The following CSGALNACT2 variants were observed in gnomAD, a reference collection of about 807,000 sequenced individuals.
CSGALNACT2 encodes chondroitin sulfate N-acetylgalactosaminyltransferase 2, also known as beta 4 GalNAcT-2.
In CSGALNACT2, 35 loss-of-function variants were observed where a neutral mutation model predicts 55.3. The ratio of observed to expected loss-of-function variants is 0.63; its 90% CI spans 0.48 to 0.84. The LOEUF (loss-of-function observed/expected upper bound fraction) is 0.84, where lower values mean the gene tolerates loss of function less well. CSGALNACT2 is among the 40% of genes least tolerant of loss of function. The pLI is 0.00. For missense variants in CSGALNACT2, 544 were observed against 657.5 expected (o/e 0.83, Z 1.89); for synonymous variants, 196 against 224.9 (o/e 0.87, Z 1.15).
intron 1 of CSGALNACT2, among the ~76,000 whole-genome samples, chr10:43,145,073 G>T (rs990477219): frequency 1.3e-5 from 2 of 151,982 alleles, no homozygotes; most frequent in Admixed American, 1.3e-4. Context: ...GGTTGTTTCT[G>T]GTTTTGGGCT....
intron 7 of CSGALNACT2, among the ~76,000 whole-genome samples, chr10:43,182,388 A>G (rs1839605165): frequency 6.6e-6 from 1 of 152,130 alleles, no homozygotes; most frequent in African/African-American, 2.4e-5. Flanking sequence ...ACCTCTATTT[A>G]ACCTCTAGAA....
At chr10:43,139,886 A>G (rs1402702081) in intron 1 of CSGALNACT2, among the ~76,000 whole-genome samples, 1 of 152,128 alleles carries the variant, frequency 6.6e-6, no homozygotes, top group Non-Finnish European at 1.5e-5. Context: ...TTTGTATATG[A>G]TGTGTTTTGG....
intron 1 of CSGALNACT2, among the ~76,000 whole-genome samples, chr10:43,149,740 GATAATTCTTATTTAATAATA>G (rs1430188518): frequency 6.6e-6 from 1 of 152,052 alleles, no homozygotes; most frequent in Non-Finnish European, 1.5e-5. Context: ...AGTCTGTGAA[GATAATTCTTATTTAATAATA>G]ATAATTCTTA....
chr10:43,162,249 T>C (rs374387689), intron 4 of CSGALNACT2: 1 of 532,492 alleles, frequency 1.9e-6, no homozygotes, highest in Non-Finnish European at 3.7e-6. Context: ...GGCTCTGGGC[T>C]CACATCTTCT....
At chr10:43,162,072 A>G (rs1182422558) in intron 4 of CSGALNACT2, 30 of 494,180 alleles carry the variant, frequency 6.1e-5, no homozygotes, top group Non-Finnish European at 1.0e-4. Flanking sequence ...TGTTACAACC[A>G]AATTTGGGGA....
Position 43,183,494 on chromosome 10 carries a change from G to A in CSGALNACT2, c.1581G>A (p.Thr527=), listed in dbSNP as rs150304104. Residue 527 remains threonine (T), a synonymous_variant, in exon 8 of 8, where the codon ACG becomes ACA. Coordinates refer to ENST00000374466, the MANE Select transcript of CSGALNACT2 (RefSeq NM_018590.5). ...TGGTCTTCAGGGAGGAAATAGAGAC[G>A]CATCTTCATAAACAGGCATACAGGA... ...GMLVFREEIE[T]HLHKQAYRTN... is the part of the protein sequence containing the mutation. 108 of 1,614,078 alleles carry A rather than the reference G, an allele frequency of 6.7e-5. 1 individual carries two copies. In the African/African-American group the frequency reaches 8.9e-4, roughly 13 times the overall value.
rs1403495677 is a variant in CSGALNACT2 at position 43,176,151 on chromosome 10, A to T, written c.1336+119A>T. The T allele has an allele frequency of 4.4e-6, 3 of 679,210 alleles. No homozygotes were observed. The Admixed American group carries it at 9.9e-5, about 23-fold the overall frequency. The allele number at this position is 679,210 out of a possible 1,614,324, so 42.1% of individuals were successfully genotyped here. On this transcript the variant is annotated intron_variant, in intron 7 of 7. Transcript: ENST00000374466. ...AAAGTATGAGTGTCTAAGGTTAGCT[A>T]AAAAGAGAAACTGGATATACAAAAG...
chr10:43,160,718 C>T (rs771095868), intron 4 of CSGALNACT2, 123 bp downstream of exon 4: 13 of 637,436 alleles, frequency 2.0e-5, no homozygotes, highest in South Asian at 3.5e-5. Context: ...AGCATGTGGG[C>T]GGTGGTGGTG....
At chr10:43,163,020 T>A in intron 4 of CSGALNACT2, 2 of 985,288 alleles carry the variant, frequency 2.0e-6, no homozygotes, top group Non-Finnish European at 2.4e-6. Flanking sequence ...TATCTCACTG[T>A]TCCCATTTTA....
At chr10:43,179,520 C>G (rs1438751586) in intron 7 of CSGALNACT2, among the ~76,000 whole-genome samples, 1 of 152,056 alleles carries the variant, frequency 6.6e-6, no homozygotes, top group Non-Finnish European at 1.5e-5. Context: ...GTGCAGTTAT[C>G]CTAGGATGGC....
rs773319738 is a variant in CSGALNACT2, at chr10:43,183,328, T to C, written c.1415T>C (p.Ile472Thr). ...CGAAAATACTTACATGGTGACCTCA[T>C]TGTGATTCGGACTCCGGTTCCTGGT... ...LYRKYLHGDL[I>T]VIRTPVPGLF... Residue 472 changes from isoleucine to threonine, a missense_variant, in exon 8 of 8, where the codon ATT becomes ACT. By Grantham distance (89) the Ile-to-Thr change is moderately conservative. Coordinates refer to ENST00000374466, the MANE Select transcript of CSGALNACT2 (RefSeq NM_018590.5). 34 of 1,613,878 alleles carry C rather than the reference T, an allele frequency of 2.1e-5. No homozygotes were observed. The South Asian group carries it at 3.2e-4, about 15-fold the overall frequency.
At chr10:43,164,461 A>T (rs933892065) in intron 5 of CSGALNACT2, among the ~76,000 whole-genome samples, 1 of 152,250 alleles carries the variant, frequency 6.6e-6, no homozygotes, top group Admixed American at 6.5e-5. Context: ...ACACACTCAC[A>T]TGGAAGTCTA....
chr10:43,158,436 C>T (rs188361032), intron 2 of CSGALNACT2, among the ~76,000 whole-genome samples: 1 of 151,974 alleles, frequency 6.6e-6, no homozygotes, highest in Non-Finnish European at 1.5e-5. Flanking sequence ...TTGATAGGCT[C>T]TAGTATTTTT....
At chr10:43,157,249 A>T (rs1007148505) in intron 2 of CSGALNACT2, among the ~76,000 whole-genome samples, 2 of 152,142 alleles carry the variant, frequency 1.3e-5, no homozygotes, top group African/African-American at 4.8e-5. Context: ...CATCAGCTCT[A>T]CCTAAAAAGA....
intron 1 of CSGALNACT2, among the ~76,000 whole-genome samples, chr10:43,139,491 G>A (rs1364855858): frequency 6.6e-6 from 1 of 152,140 alleles, no homozygotes; most frequent in Non-Finnish European, 1.5e-5. Context: ...TTTTCTCTTT[G>A]TTTTTGTCGA....
chr10:43,171,554 T>C (rs781504931), intron 6 of CSGALNACT2, among the ~76,000 whole-genome samples: 1 of 152,170 alleles, frequency 6.6e-6, no homozygotes, highest in Non-Finnish European at 1.5e-5. Flanking sequence ...GGTTTCACCA[T>C]GTTGGCCAGA....
rs746212418 is a variant in CSGALNACT2 at position 43,167,097 on chromosome 10, T to C, written c.1253T>C (p.Leu418Pro). 79 of 1,594,158 alleles carry C rather than the reference T, an allele frequency of 5.0e-5. No homozygotes were observed. The highest frequency in any genetic ancestry group is 4.8e-5 in the Non-Finnish European group (56 of 1,162,154). Residue 418 changes from leucine to proline, a missense_variant and splice_region_variant, in exon 6 of 8, where the codon CTG becomes CCG. This residue lies in a region of CSGALNACT2 where 170 missense variants were observed against 256.2 expected (regional missense o/e 0.66). Transcript: ENST00000374466. ...QEVPPPVEQQ[L>P]VHKKDSGFWR... is the part of the protein sequence containing the mutation. ...GTGCCACCACCTGTGGAGCAGCAGC[T>C]GGTGAGACTTTCACATTTTCAGTTA...
intron 1 of CSGALNACT2, among the ~76,000 whole-genome samples, chr10:43,152,226 C>G (rs963561548): frequency 6.6e-6 from 1 of 152,120 alleles, no homozygotes; most frequent in African/African-American, 2.4e-5. Flanking sequence ...ATTCATGATA[C>G]AAACACATTT....
At chr10:43,180,547 T>A (rs1240485016) in intron 7 of CSGALNACT2, among the ~76,000 whole-genome samples, 1 of 152,206 alleles carries the variant, frequency 6.6e-6, no homozygotes. Context: ...TATACATAGT[T>A]GTTTTAAATT....
Sources: allele counts gnomAD v4.1 joint callset (sites outside exome capture counted in the v4.1 genomes callset), GRCh38; gene constraint gnomAD v4.1.1; regional missense constraint gnomAD v4.1.1; transcripts MANE v1.5; gene names NCBI Gene and HGNC (gene_info 2026-07-23, HGNC 2026-07-21).